DLG1: variants seen among roughly 807,000 people sequenced by gnomAD.
The protein encoded by DLG1 is discs large MAGUK scaffold protein 1, also known as disks large homolog 1.
A neutral mutation model predicts 123.4 loss-of-function variants in DLG1; 42 were observed. The observed-to-expected ratio is 0.34, with a 90% CI of 0.27 to 0.44. DLG1 has a LOEUF of 0.44. DLG1 is among the 20% of genes least tolerant of loss of function. The pLI, the probability that DLG1 is intolerant of heterozygous loss-of-function variation, is 1.00. For synonymous variants in DLG1, 317 were observed against 356.2 expected (o/e 0.89, Z 1.24); for missense variants, 942 against 1,082.6 (o/e 0.87, Z 1.82).
intron 14 of DLG1, 90 bp downstream of exon 14, chr3:197,104,813 G>T (rs1765474563): frequency 4.5e-6 from 4 of 897,174 alleles, no homozygotes; most frequent in Admixed American, 2.2e-5. Context: ...AGGAAGTTTA[G>T]CTTGGAAGTT....
intron 3 of DLG1, among the ~76,000 whole-genome samples, chr3:197,284,063 G>T (rs1017922876): frequency 1.3e-5 from 2 of 152,056 alleles, no homozygotes; most frequent in Non-Finnish European, 2.9e-5. Flanking sequence ...GTTTCACCAT[G>T]TTGGCCAGGC....
chr3:197,137,164 T>C (rs571270079), intron 9 of DLG1, among the ~76,000 whole-genome samples: 2 of 152,326 alleles, frequency 1.3e-5, no homozygotes, highest in South Asian at 2.1e-4. Flanking sequence ...CTAAATCCCA[T>C]AGCTTCAATA....
chr3:197,090,880 G>A, intron 15 of DLG1, 32 bp downstream of exon 15: 1 of 1,306,942 alleles, frequency 7.7e-7, no homozygotes, highest in Non-Finnish European at 1.1e-6. Flanking sequence ...AACTAATTAA[G>A]ATTTGCCATA....
chr3:197,075,894 G>A (rs1480623001), intron 18 of DLG1: 3 of 1,605,870 alleles, frequency 1.9e-6, no homozygotes, highest in Non-Finnish European at 1.7e-6. Context: ...TCCCCAGAGA[G>A]CAAGCAATAA....
At chr3:197,069,460 C>T (rs998337248) in intron 18 of DLG1, 200 bp from the exon 19 acceptor site, 17 of 396,218 alleles carry the variant, frequency 4.3e-5, no homozygotes, top group Non-Finnish European at 7.2e-5. Flanking sequence ...AAGGACAATG[C>T]CTTATTTTTG....
At chr3:197,161,729 C>T (rs763423341) in intron 5 of DLG1, 1 of 1,566,400 alleles carries the variant, frequency 6.4e-7, no homozygotes, top group Non-Finnish European at 8.6e-7. Context: ...GGAAGAACAG[C>T]TTCTGTTGGC....
rs747535008 is a variant in DLG1 at position 197,059,938 on chromosome 3, G to C, written c.2434C>G (p.Leu812Val). ...TTAATAAAAATGGAGATAGGGTAAA[G>C]CTGTGCAATCTGTAATCTCTTTATG... ...NAIKRLQIAQ[L>V]YPISIFIKPK... The change falls in exon 23 of 25, where the codon CTT becomes GTT. Residue 812 changes from leucine to valine, a missense_variant. Transcript: ENST00000667157. 12 of 1,613,754 alleles carry C rather than the reference G, an allele frequency of 7.4e-6. No individual in the cohort carries two copies.
intron 4 of DLG1, among the ~76,000 whole-genome samples, chr3:197,243,307 T>C (rs561133521): frequency 1.3e-5 from 2 of 152,284 alleles, no homozygotes; most frequent in African/African-American, 2.4e-5. Flanking sequence ...TGCCTGGGCC[T>C]GTTAAAGGCA....
chr3:197,177,914 AAGAC>A (rs1484023438), intron 5 of DLG1, among the ~76,000 whole-genome samples: 1 of 152,138 alleles, frequency 6.6e-6, no homozygotes, highest in Non-Finnish European at 1.5e-5. Flanking sequence ...TCTAAGGGAA[AAGAC>A]AGACAAACAC....
Position 197,085,704 on chromosome 3 carries a change from G to A in DLG1, c.1714C>T (p.Leu572=). 6.2e-7 allele frequency: 1 copy of A among 1,613,826 alleles called. No homozygotes were observed. The highest frequency in any genetic ancestry group is 2.2e-5 in the East Asian group (1 of 44,862). ...TKDSGLPSQG[L]NFKFGDILHV... is the part of the protein sequence containing the mutation. The stretch of plus-strand genomic sequence containing the variant: ...AGGATATCTCCAAATTTGAAGTTCA[G>A]TCCCTGACTGGGAAGCCCACTGTCT... Residue 572 remains leucine (L), a synonymous_variant, in exon 16 of 25, where the codon CTG becomes TTG. Coordinates refer to ENST00000667157, the MANE Select transcript of DLG1 (RefSeq NM_001366207.1).
chr3:197,061,922 T>A (rs1468072796), intron 22 of DLG1, among the ~76,000 whole-genome samples: 1 of 152,176 alleles, frequency 6.6e-6, no homozygotes, highest in African/African-American at 2.4e-5. Context: ...TATATAAATA[T>A]CCCTTTTTTC....
intron 13 of DLG1, 50 bp downstream of exon 13, chr3:197,115,877 A>T: frequency 6.4e-7 from 1 of 1,573,410 alleles, no homozygotes; most frequent in Non-Finnish European, 8.6e-7. Context: ...TGCTTTAAAA[A>T]TAGGTCCAGT....
At chr3:197,285,654 A>G (rs569486977) in intron 3 of DLG1, among the ~76,000 whole-genome samples, 6 of 152,308 alleles carry the variant, frequency 3.9e-5, no homozygotes, top group Admixed American at 2.6e-4. Context: ...CATATATCAA[A>G]TATCACCAGG....
chr3:197,111,324 A>T (rs924462001), intron 13 of DLG1, among the ~76,000 whole-genome samples: 1 of 152,198 alleles, frequency 6.6e-6, no homozygotes, highest in African/African-American at 2.4e-5. Flanking sequence ...CACACACTTT[A>T]GCACTGTATC....
chr3:197,121,823 C>CAAAAAAAAAAAAAAAAAAAAAAAAAA (rs71161995), intron 11 of DLG1, among the ~76,000 whole-genome samples: 2 of 102,000 alleles, frequency 2.0e-5, no homozygotes, highest in Non-Finnish European at 1.9e-5. Flanking sequence ...ACAATCACCA[C>CAAAAAAAAAAAAAAAAAAAAAAAAAA]AAAAAAAAAA....
intron 10 of DLG1, among the ~76,000 whole-genome samples, chr3:197,134,176 T>C (rs540962208): frequency 1.3e-5 from 2 of 152,234 alleles, no homozygotes; most frequent in Admixed American, 6.5e-5. Context: ...TGATCTTAGC[T>C]GTGAAAGGAT....
At chr3:197,104,417 C>T (rs1342552379) in intron 14 of DLG1, among the ~76,000 whole-genome samples, 3 of 152,126 alleles carry the variant, frequency 2.0e-5, no homozygotes, top group Non-Finnish European at 2.9e-5. Flanking sequence ...TGCAGTGGCT[C>T]ACACCGGTAA....
At chr3:197,294,714 C>T (rs886809222) in intron 3 of DLG1, among the ~76,000 whole-genome samples, 1 of 149,420 alleles carries the variant, frequency 6.7e-6, no homozygotes, top group African/African-American at 2.5e-5. Flanking sequence ...TTCAATTGTA[C>T]GTAAGAATAG....
chr3:197,297,880 T>A, intron 1 of DLG1: 1 of 984,494 alleles, frequency 1.0e-6, no homozygotes, highest in South Asian at 4.7e-5. Flanking sequence ...CCGGCCCCGC[T>A]CCACGTACCC....
Sources: allele counts gnomAD v4.1 joint callset (sites outside exome capture counted in the v4.1 genomes callset), GRCh38; gene constraint gnomAD v4.1.1; transcripts MANE v1.5; gene names NCBI Gene and HGNC (gene_info 2026-07-23, HGNC 2026-07-21).